The following AKR1C8 variants were observed in gnomAD, a reference collection of about 807,000 sequenced individuals.
The protein encoded by AKR1C8 is aldo-keto reductase family 1 member C8.
At chr10:5,182,099 G>A in the AKR1C8 span, among the ~76,000 whole-genome samples, 12 of 152,032 alleles carry the variant, frequency 7.9e-5, no homozygotes, top group Middle Eastern at 0.014. Flanking sequence ...AACTTTTAAC[G>A]ATTGAATAAC....
the AKR1C8 span, chr10:5,157,751 T>C: frequency 2.1e-6 from 1 of 471,964 alleles, no homozygotes; most frequent in African/African-American, 2.0e-5. Flanking sequence ...TTCTTGGCAA[T>C]GGATTTCAAG....
the AKR1C8 span, among the ~76,000 whole-genome samples, chr10:5,117,178 C>G: frequency 6.6e-6 from 1 of 150,888 alleles, no homozygotes; most frequent in Non-Finnish European, 1.5e-5. Context: ...GCTTCCTAAA[C>G]ATGAGTCTAC....
chr10:5,119,591 A>C, the AKR1C8 span, among the ~76,000 whole-genome samples: 1 of 152,168 alleles, frequency 6.6e-6, no homozygotes, highest in East Asian at 1.9e-4. Context: ...ATAATTAGAA[A>C]AACAAACATC....
the AKR1C8 span, among the ~76,000 whole-genome samples, chr10:5,136,262 A>G: frequency 1.3e-5 from 2 of 152,214 alleles, no homozygotes; most frequent in African/African-American, 2.4e-5. Context: ...GAATGTAATG[A>G]TTGGGCCAGA....
the AKR1C8 span, among the ~76,000 whole-genome samples, chr10:5,156,980 G>A: frequency 4.0e-3 from 614 of 152,302 alleles, 7 homozygotes; most frequent in African/African-American, 0.014. Flanking sequence ...CAGAGTGGAT[G>A]TGGAGAAGGG....
the AKR1C8 span, among the ~76,000 whole-genome samples, chr10:5,138,155 T>A: frequency 6.6e-6 from 1 of 151,926 alleles, no homozygotes; most frequent in South Asian, 2.1e-4. Flanking sequence ...GACCACAAAT[T>A]TACCAGAGTG....
chr10:5,123,565 G>C, the AKR1C8 span: 1 of 724,056 alleles, frequency 1.4e-6, no homozygotes, highest in African/African-American at 1.8e-5. Flanking sequence ...AATAACAGCA[G>C]CAGCATCACC....
the AKR1C8 span, among the ~76,000 whole-genome samples, chr10:5,179,595 C>T: frequency 1.2e-4 from 18 of 149,678 alleles, no homozygotes; most frequent in African/African-American, 4.5e-4. Flanking sequence ...GTTCCATTCT[C>T]CCCATCACTT....
the AKR1C8 span, among the ~76,000 whole-genome samples, chr10:5,135,419 G>A: frequency 1.3e-5 from 2 of 152,106 alleles, no homozygotes; most frequent in Admixed American, 6.6e-5. Context: ...CAGTGCACTT[G>A]TTTTTTATCA....
At chr10:5,161,097 ATG>A in the AKR1C8 span, among the ~76,000 whole-genome samples, 113 of 152,210 alleles carry the variant, frequency 7.4e-4, no homozygotes, top group African/African-American at 2.5e-3. Flanking sequence ...GTTTGCATGC[ATG>A]TGTGGATTAT....
chr10:5,177,784 T>C, the AKR1C8 span, among the ~76,000 whole-genome samples: 3 of 152,208 alleles, frequency 2.0e-5, no homozygotes, highest in Non-Finnish European at 4.4e-5. Context: ...TTTGTAGTAT[T>C]CTCTGATGGT....
chr10:5,184,082 TCC>T, the AKR1C8 span, among the ~76,000 whole-genome samples: 1 of 152,182 alleles, frequency 6.6e-6, no homozygotes, highest in Admixed American at 6.5e-5. Context: ...ATCTGACTGC[TCC>T]TGGGCCAAGG....
chr10:5,137,327 G>A, the AKR1C8 span, among the ~76,000 whole-genome samples: 1 of 152,120 alleles, frequency 6.6e-6, no homozygotes, highest in African/African-American at 2.4e-5. Context: ...TATCCCTGAT[G>A]AGCATCAAGG....
At chr10:5,179,285 T>C in the AKR1C8 span, among the ~76,000 whole-genome samples, 1 of 152,310 alleles carries the variant, frequency 6.6e-6, no homozygotes, top group East Asian at 1.9e-4. Flanking sequence ...AATTCTTTTC[T>C]TTAAGGATGT....
the AKR1C8 span, among the ~76,000 whole-genome samples, chr10:5,179,696 C>T: frequency 6.6e-6 from 1 of 151,664 alleles, no homozygotes; most frequent in African/African-American, 2.4e-5. Context: ...TTTCTCTAAA[C>T]TTCCCTTCTC....
chr10:5,135,177 G>A, the AKR1C8 span: 3 of 225,214 alleles, frequency 1.3e-5, no homozygotes, highest in African/African-American at 6.9e-5. Flanking sequence ...TCCTAATACA[G>A]GCATGAAATG....
chr10:5,164,291 C>A, the AKR1C8 span, among the ~76,000 whole-genome samples: 2 of 152,114 alleles, frequency 1.3e-5, no homozygotes, highest in African/African-American at 2.4e-5. Flanking sequence ...CCAGACCCAA[C>A]CTCACAGATG....
the AKR1C8 span, among the ~76,000 whole-genome samples, chr10:5,121,874 G>A: frequency 6.6e-6 from 1 of 152,122 alleles, no homozygotes; most frequent in African/African-American, 2.4e-5. Context: ...TCACAATGGT[G>A]CAGACATAGG....
chr10:5,132,156 A>G, the AKR1C8 span, among the ~76,000 whole-genome samples: 2 of 150,956 alleles, frequency 1.3e-5, no homozygotes, highest in Admixed American at 6.6e-5. Context: ...AGATGATATA[A>G]TGGCCTTTCA....
Sources: allele counts gnomAD v4.1 joint callset (sites outside exome capture counted in the v4.1 genomes callset), GRCh38; gene constraint gnomAD v4.1.1; transcripts MANE v1.5; gene names NCBI Gene and HGNC (gene_info 2026-07-23, HGNC 2026-07-21).